The following SMTNL2 variants were observed in gnomAD, a reference collection of about 807,000 sequenced individuals.
SMTNL2 encodes smoothelin like 2, also known as smoothelin-like protein 2.
SMTNL2 carries 43 observed loss-of-function variants against 44.1 expected under a neutral mutation model. The observed-to-expected ratio is 0.98, with a 90% CI of 0.76 to 1.26. The LOEUF (loss-of-function observed/expected upper bound fraction) is 1.26. Ranked by LOEUF, SMTNL2 falls within the 50% of genes most tolerant of loss-of-function variation. The pLI is 0.00. For synonymous variants in SMTNL2, 317 were observed against 287.6 expected (o/e 1.10, Z -1.03); for missense variants, 646 against 670.2 (o/e 0.96, Z 0.40).
At chr17:4,602,207 G>A (rs1371985177) in intron 7 of SMTNL2, among the ~76,000 whole-genome samples, 3 of 151,918 alleles carry the variant, frequency 2.0e-5, no homozygotes, top group Non-Finnish European at 2.9e-5. Flanking sequence ...GCTCATTGGC[G>A]CATTTTGGAT....
At position 4,593,271 on chromosome 17, in the gene SMTNL2, C is replaced by T. The variant is rs111449146; in HGVS notation, c.730+100C>T. The T allele has an allele frequency of 2.0e-4, 288 of 1,458,226 alleles. 1 individual carries two copies. The African/African-American group carries it at 2.5e-3, about 12-fold the overall frequency. The allele number at this position is 1,458,226 out of a possible 1,614,324, so 90.3% of individuals were successfully genotyped here. A position where few individuals can be genotyped will look rare whatever the true frequency, so the allele number is the denominator to read the frequency against. Reference sequence around the variant, plus strand: ...GGGAGTCGGTGGGTGACATGGAAAACGAGGGGCTAAGCCCAGCCCTGCCTC... The same window carrying T: ...GGGAGTCGGTGGGTGACATGGAAAATGAGGGGCTAAGCCCAGCCCTGCCTC... On this transcript the variant is annotated intron_variant, in intron 3 of 7. Transcript: ENST00000389313.
At chr17:4,590,519 CCAGCTACCTCCT>C (rs1288064268) in intron 1 of SMTNL2, among the ~76,000 whole-genome samples, 1 of 152,144 alleles carries the variant, frequency 6.6e-6, no homozygotes, top group Non-Finnish European at 1.5e-5. Flanking sequence ...ACTCAAAAAT[CCAGCTACCTCCT>C]CAGCTCCCTG....
At chr17:4,606,387 G>A (rs936442121) in intron 7 of SMTNL2, among the ~76,000 whole-genome samples, 106 of 151,546 alleles carry the variant, frequency 7.0e-4, no homozygotes, top group Non-Finnish European at 1.2e-3. Flanking sequence ...CTCCCAAAGT[G>A]CTGGGATTAC....
At position 4,601,170 on chromosome 17, in the gene SMTNL2, T is replaced by A. The variant is rs1012195488; in HGVS notation, c.1259+3847T>A. ...ATGCCTGCGATCCAATCCCAGGACT[T>A]TGGGAGGCCAAGGCAGGTGGATTGC... On this transcript the variant is annotated intron_variant, in intron 7 of 7. Transcript: ENST00000389313. Among the ~76,000 whole-genome samples, 3 of 152,160 alleles carry A rather than the reference T, an allele frequency of 2.0e-5. No individual in the cohort carries two copies. The South Asian group carries it at 6.2e-4, about 32-fold the overall frequency.
Position 4,584,798 on chromosome 17 carries a change from C to T in SMTNL2, c.193C>T (p.Arg65Trp). ...PLARTVADLQ[R>W]DNQRLQAQLE... ...GGCGCGCACGGTGGCCGACCTGCAG[C>T]GGGACAACCAGCGGCTGCAGGCGCA... is the stretch of plus-strand genomic sequence containing the variant. Residue 65 changes from arginine (R) to tryptophan (W), a missense_variant, in exon 1 of 8, where the codon CGG becomes TGG. Physicochemically the swap from Arg to Trp is moderately radical, Grantham distance 101. Coordinates refer to ENST00000389313, the MANE Select transcript of SMTNL2 (RefSeq NM_001114974.2). 2 of 1,323,286 alleles carry T rather than the reference C, an allele frequency of 1.5e-6. No individual in the cohort carries two copies. Among genetic ancestry groups the T allele is most frequent in the Admixed American group, 3.9e-5 (1 of 25,864 alleles). 82.0% of individuals were successfully genotyped at this position (1,323,286 alleles called of 1,614,324 possible). A position where few individuals can be genotyped will look rare whatever the true frequency, so the allele number is the denominator to read the frequency against.
rs199710091 is a variant in SMTNL2 at position 4,596,895 on chromosome 17, C to T, written c.1025C>T (p.Ser342Leu). 133 of 1,515,690 alleles carry T rather than the reference C, an allele frequency of 8.8e-5. No individual in the cohort carries two copies. The Admixed American group carries it at 2.3e-3, about 26-fold the overall frequency. The allele number at this position is 1,515,690 out of a possible 1,614,324, so 93.9% of individuals were successfully genotyped here. A position where few individuals can be genotyped will look rare whatever the true frequency, so the allele number is the denominator to read the frequency against. The stretch of plus-strand genomic sequence containing the variant: ...GAGGCCCGGGCCAGGCTGAAGCGGT[C>T]GCAGAGCTTCGGCGTGGCCAGCGCC... ...KGEARARLKR[S>L]QSFGVASASS... The change falls in exon 6 of 8, where the codon TCG becomes TTG. Residue 342 changes from serine to leucine, a missense_variant. Coordinates refer to ENST00000389313, the MANE Select transcript of SMTNL2 (RefSeq NM_001114974.2).
At chr17:4,597,467 CCT>C in intron 7 of SMTNL2, 144 bp downstream of exon 7, 1 of 1,155,696 alleles carries the variant, frequency 8.7e-7, no homozygotes, top group Non-Finnish European at 1.2e-6. Context: ...GGTCTGTGTA[CCT>C]CTTGTGCAGA....
At chr17:4,604,134 C>G (rs1302196163) in intron 7 of SMTNL2, among the ~76,000 whole-genome samples, 1 of 152,170 alleles carries the variant, frequency 6.6e-6, no homozygotes, top group African/African-American at 2.4e-5. Flanking sequence ...CATGAGCCAC[C>G]GCGCCCGGCC....
Position 4,584,801 on chromosome 17 carries a change from G to T in SMTNL2, c.196G>T (p.Asp66Tyr). 7.5e-7 allele frequency: 1 copy of T among 1,324,682 alleles called. No individual in the cohort carries two copies. Among genetic ancestry groups the T allele is most frequent in the South Asian group, 1.9e-5 (1 of 52,420 alleles). The allele number at this position is 1,324,682 out of a possible 1,614,324, so 82.1% of individuals were successfully genotyped here. A position where few individuals can be genotyped will look rare whatever the true frequency, so the allele number is the denominator to read the frequency against. The part of the protein sequence containing the change: ...LARTVADLQR[D>Y]NQRLQAQLER... Reference sequence around the variant, plus strand: ...GCGCACGGTGGCCGACCTGCAGCGGGACAACCAGCGGCTGCAGGCGCAGCT... The same window carrying T: ...GCGCACGGTGGCCGACCTGCAGCGGTACAACCAGCGGCTGCAGGCGCAGCT... The change falls in exon 1 of 8, where the codon GAC becomes TAC. Residue 66 changes from aspartate to tyrosine, a missense_variant. Asp to Tyr is a radical substitution (Grantham distance 160, BLOSUM62 -3). Coordinates refer to ENST00000389313, the MANE Select transcript of SMTNL2 (RefSeq NM_001114974.2).
Position 4,607,369 on chromosome 17 carries a change from C to T in SMTNL2, c.1268C>T (p.Ala423Val), listed in dbSNP as rs983508232. The T allele has an allele frequency of 1.2e-6, 2 of 1,614,068 alleles. No individual in the cohort carries two copies. The highest frequency in any genetic ancestry group is 1.7e-6 in the Non-Finnish European group (2 of 1,180,006). Residue 423 changes from alanine (A) to valine (V), a missense_variant, in exon 8 of 8, where the codon GCC becomes GTC. Coordinates refer to ENST00000389313, the MANE Select transcript of SMTNL2 (RefSeq NM_001114974.2). The surrounding 1 kb of genome is among the most constrained non-coding windows in gnomAD (Gnocchi z 4.7). ...ELAFTMAENL[A>V]NCERLIEVED... ...GGGCTTGTGTGTTTCAGGAATCTGGCCAACTGTGAGCGCCTCATCGAAGTG... is the reference window on the plus strand; with the variant it reads ...GGGCTTGTGTGTTTCAGGAATCTGGTCAACTGTGAGCGCCTCATCGAAGTG...
intron 7 of SMTNL2, among the ~76,000 whole-genome samples, chr17:4,605,559 T>C (rs907098148): frequency 6.6e-6 from 1 of 152,150 alleles, no homozygotes; most frequent in Non-Finnish European, 1.5e-5. Context: ...GAGGTGGATA[T>C]AATTCACAGA....
chr17:4,608,113 C>A lies in SMTNL2; in HGVS notation c.*626C>A. 6.6e-6 allele frequency: 1 copy of A among 152,308 alleles called. No individual in the cohort carries two copies. The allele number at this position is 152,308 out of a possible 1,614,324, so 9.4% of individuals were successfully genotyped here. A position where few individuals can be genotyped will look rare whatever the true frequency, so the allele number is the denominator to read the frequency against. ...GCTCTCCTCTCGGTCCCAAAGTCCT[C>A]CTGTTCTTCCCAGGAGGCCCCACAA... On this transcript the variant is annotated 3_prime_UTR_variant, in exon 8 of 8. Coordinates refer to ENST00000389313, the MANE Select transcript of SMTNL2 (RefSeq NM_001114974.2).
At chr17:4,601,720 A>G (rs192001808) in intron 7 of SMTNL2, among the ~76,000 whole-genome samples, 2 of 150,532 alleles carry the variant, frequency 1.3e-5, no homozygotes, top group Middle Eastern at 3.4e-3. Flanking sequence ...GGGTCTAACT[A>G]TGTTGGCCAG....
chr17:4,595,458 C>A lies in SMTNL2; in HGVS notation c.989+131C>A. 7.6e-7 allele frequency: 1 copy of A among 1,320,808 alleles called. No homozygotes were observed. Among genetic ancestry groups the A allele is most frequent in the Non-Finnish European group, 1.0e-6 (1 of 976,750 alleles). The allele number at this position is 1,320,808 out of a possible 1,614,324, so 81.8% of individuals were successfully genotyped here. On this transcript the variant is annotated intron_variant, in intron 5 of 7. Coordinates refer to ENST00000389313, the MANE Select transcript of SMTNL2 (RefSeq NM_001114974.2). This position sits in a 1 kb window ranked among gnomAD's most constrained non-coding sequence, Gnocchi z 5.1. ...AGGGCGCTGTTGCCCAGGACAAGAT[C>A]TCTTGGGCAAGGCACAAAGTTAGGG...
In SMTNL2 at chr17:4,600,895, T is replaced by TA. The variant is rs1350963045; in HGVS notation, c.1259+3576dup. Among the ~76,000 whole-genome samples the TA allele has an allele frequency of 6.6e-6, 1 of 152,152 alleles. No individual in the cohort carries two copies. The highest frequency in any genetic ancestry group is 1.5e-5 in the Non-Finnish European group (1 of 68,026). On this transcript the variant is annotated intron_variant, in intron 7 of 7. Transcript: ENST00000389313. This position sits in a 1 kb window ranked among gnomAD's most constrained non-coding sequence, Gnocchi z 4.7. ...TTTGTAGTGCCCATGTGTCTCTGTC[T>TA]AAAACCAGATAGGAGGCAGTAGTCC...
Position 4,598,552 on chromosome 17 carries a change from G to A in SMTNL2, c.1259+1229G>A, listed in dbSNP as rs561499863. On this transcript the variant is annotated intron_variant, in intron 7 of 7. Transcript: ENST00000389313. This position sits in a 1 kb window ranked among gnomAD's most constrained non-coding sequence, Gnocchi z 4.8. ...TTAAGAGTGGTCCTTGGCCGGGCAC[G>A]GTGGCTCCCACCTGTAATCCTAGCA... Among the ~76,000 whole-genome samples, 70 of 152,262 alleles carry A rather than the reference G, an allele frequency of 4.6e-4. No individual in the cohort carries two copies. The highest frequency in any genetic ancestry group is 1.6e-3 in the African/African-American group (68 of 41,556).
rs777056128 is a variant in SMTNL2 at position 4,600,730 on chromosome 17, G to A, written c.1259+3407G>A. Among the ~76,000 whole-genome samples the A allele has an allele frequency of 1.3e-5, 2 of 152,184 alleles. No individual in the cohort carries two copies. The highest frequency in any genetic ancestry group is 2.4e-5 in the African/African-American group (1 of 41,440). On this transcript the variant is annotated intron_variant, in intron 7 of 7. Transcript: ENST00000389313. This position sits in a 1 kb window ranked among gnomAD's most constrained non-coding sequence, Gnocchi z 4.7. The stretch of plus-strand genomic sequence containing the variant: ...TTATGGAAGGGGCTGAGTCGGGCGG[G>A]CGCCTGACCCTTCTGCACCCGTCCT...
At chr17:4,601,512 ATGAT>A (rs3080230) in intron 7 of SMTNL2, among the ~76,000 whole-genome samples, 6,151 of 151,814 alleles carry the variant, frequency 0.041, 259 homozygotes, top group African/African-American at 0.1. Flanking sequence ...TTCTGTTTGA[ATGAT>A]TGATTGATTG....
upstream of SMTNL2, chr17:4,584,518 C>G (rs1909257202): frequency 8.3e-7 from 1 of 1,201,502 alleles, no homozygotes; most frequent in African/African-American, 1.6e-5. Flanking sequence ...CGAAGCCAGC[C>G]ACGGACGGCC....
Sources: allele counts gnomAD v4.1 joint callset (sites outside exome capture counted in the v4.1 genomes callset), GRCh38; gene constraint gnomAD v4.1.1; non-coding constraint Gnocchi (gnomAD v3.1); transcripts MANE v1.5; gene names NCBI Gene and HGNC (gene_info 2026-07-23, HGNC 2026-07-21).